Variants in PRKN observed in about 807,000 individuals in gnomAD.
The protein encoded by PRKN is parkin RBR E3 ubiquitin protein ligase.
Under a neutral mutation model 59.5 loss-of-function variants are expected in PRKN, and 56 were observed. The observed-to-expected ratio is 0.94, with a 90% CI of 0.76 to 1.18. PRKN has a LOEUF of 1.18. Ranked by LOEUF, PRKN falls within the 50% of genes most tolerant of loss-of-function variation. PRKN has a pLI of 0.00. For synonymous variants in PRKN, 250 were observed against 222.1 expected (o/e 1.13, Z -1.12); for missense variants, 657 against 596.4 (o/e 1.10, Z -1.06).
chr6:162,485,043 G>T (rs951847430), intron 1 of PRKN, among the ~76,000 whole-genome samples: 2 of 152,148 alleles, frequency 1.3e-5, no homozygotes, highest in African/African-American at 2.4e-5. Flanking sequence ...TAATGTGAAT[G>T]TAAATTCTAT....
At chr6:161,568,435 T>C (rs1780734875) in intron 8 of PRKN, among the ~76,000 whole-genome samples, 1 of 151,634 alleles carries the variant, frequency 6.6e-6, no homozygotes, top group Non-Finnish European at 1.5e-5. Flanking sequence ...CTACCAAAAA[T>C]ATAAAAAATT....
At chr6:162,395,240 G>A (rs1787416736) in intron 2 of PRKN, among the ~76,000 whole-genome samples, 1 of 152,134 alleles carries the variant, frequency 6.6e-6, no homozygotes, top group Non-Finnish European at 1.5e-5. Context: ...CAATATAACA[G>A]CAGTAACAAT....
intron 4 of PRKN, among the ~76,000 whole-genome samples, chr6:162,180,140 G>A (rs533785046): frequency 6.6e-6 from 1 of 152,184 alleles, no homozygotes; most frequent in East Asian, 1.9e-4. Flanking sequence ...GTAATTCTCT[G>A]TGAATTGGGA....
At chr6:162,699,132 T>C (rs1259020951) in intron 1 of PRKN, among the ~76,000 whole-genome samples, 4 of 152,216 alleles carry the variant, frequency 2.6e-5, no homozygotes, top group Admixed American at 2.0e-4. Context: ...GTCAATATGC[T>C]TTAGATCATT....
At chr6:162,459,815 C>G (rs931873611) in intron 1 of PRKN, among the ~76,000 whole-genome samples, 3 of 152,156 alleles carry the variant, frequency 2.0e-5, no homozygotes, top group African/African-American at 7.2e-5. Flanking sequence ...CTAGTAATCA[C>G]CAACATTACT....
rs998875882 is a variant in PRKN, at chr6:161,632,929, T to C, written c.872-63513A>G. 3.9e-5 allele frequency among the ~76,000 whole-genome samples: 6 copies of C among 152,274 alleles called. No homozygotes were observed. The South Asian group carries it at 1.0e-3, about 26-fold the overall frequency. Reference sequence around the variant, plus strand: ...TCCCTCCCATGACACATGGGGATAATGGGAAGTACAATTCAAGATGAGATT... The same window carrying C: ...TCCCTCCCATGACACATGGGGATAACGGGAAGTACAATTCAAGATGAGATT... On this transcript the variant is annotated intron_variant, in intron 7 of 11. Coordinates refer to ENST00000366898, the MANE Select transcript of PRKN (RefSeq NM_004562.3).
chr6:162,451,581 G>A (rs750549605), intron 1 of PRKN, among the ~76,000 whole-genome samples: 21 of 151,460 alleles, frequency 1.4e-4, no homozygotes, highest in Non-Finnish European at 2.5e-4. Flanking sequence ...AAGAAAAAAA[G>A]AGAGAGAGAG....
intron 9 of PRKN, among the ~76,000 whole-genome samples, chr6:161,437,761 G>A (rs2115074108): frequency 6.6e-6 from 1 of 152,282 alleles, no homozygotes; most frequent in South Asian, 2.1e-4. Flanking sequence ...TAACATTAGT[G>A]TATCTACTAA....
chr6:161,441,320 T>C (rs1040329492), intron 9 of PRKN, among the ~76,000 whole-genome samples: 6 of 152,204 alleles, frequency 3.9e-5, no homozygotes, highest in Admixed American at 3.9e-4. Context: ...ACATACTTAC[T>C]AATTTTGTTG....
chr6:161,791,658 C>A (rs1247988402), intron 6 of PRKN, among the ~76,000 whole-genome samples: 1 of 152,160 alleles, frequency 6.6e-6, no homozygotes, highest in Non-Finnish European at 1.5e-5. Context: ...GATGAGGAAG[C>A]AAATCTAAGC....
chr6:162,402,510 G>T (rs1350262582), intron 2 of PRKN, among the ~76,000 whole-genome samples: 1 of 151,812 alleles, frequency 6.6e-6, no homozygotes, highest in East Asian at 1.9e-4. Flanking sequence ...TTGTCTCGGG[G>T]TATAAGACTT....
rs1779939539 is a variant in PRKN, at chr6:161,549,932, C to T, written c.934-929G>A. On this transcript the variant is annotated intron_variant, in intron 8 of 11. Coordinates refer to ENST00000366898, the MANE Select transcript of PRKN (RefSeq NM_004562.3). The surrounding 1 kb of genome is among the most constrained non-coding windows in gnomAD (Gnocchi z 6.0). ...CGAGAGGTTAGAATGTCTAGGATTT[C>T]CAATGGTGCTAAGTGAGGAAGAAAA... is the stretch of plus-strand genomic sequence containing the variant. Among the ~76,000 whole-genome samples the T allele has an allele frequency of 6.6e-6, 1 of 152,022 alleles. No individual in the cohort carries two copies.
chr6:161,760,438 AG>A (rs1411217473), intron 7 of PRKN, among the ~76,000 whole-genome samples: 1 of 151,854 alleles, frequency 6.6e-6, no homozygotes, highest in Non-Finnish European at 1.5e-5. Flanking sequence ...TTTCAGTTCT[AG>A]TGGGACAGCC....
At chr6:162,096,320 T>G (rs927530204) in intron 4 of PRKN, among the ~76,000 whole-genome samples, 1 of 152,194 alleles carries the variant, frequency 6.6e-6, no homozygotes. Flanking sequence ...TCCAATTTTG[T>G]GTAGTTTTAA....
At chr6:162,581,762 A>AAT (rs34189016) in intron 1 of PRKN, among the ~76,000 whole-genome samples, 27,973 of 152,050 alleles carry the variant, frequency 0.18, 3,208 homozygotes, top group East Asian at 0.49. Context: ...TCTGTCTCAA[A>AAT]ATATATATAT....
At chr6:162,174,717 G>T (rs902479502) in intron 4 of PRKN, among the ~76,000 whole-genome samples, 3 of 152,070 alleles carry the variant, frequency 2.0e-5, no homozygotes, top group African/African-American at 4.8e-5. Flanking sequence ...TCATTCCCTT[G>T]TGCTTTGTTC....
intron 4 of PRKN, among the ~76,000 whole-genome samples, chr6:162,159,134 T>C (rs1782651054): frequency 6.6e-6 from 1 of 152,018 alleles, no homozygotes; most frequent in Admixed American, 6.5e-5. Flanking sequence ...TTGCTTACCT[T>C]TAGGCCTTTG....
At chr6:161,623,367 T>A (rs1463527906) in intron 7 of PRKN, among the ~76,000 whole-genome samples, 2 of 152,150 alleles carry the variant, frequency 1.3e-5, no homozygotes, top group Non-Finnish European at 2.9e-5. Context: ...GCATAAATAA[T>A]AGATACAAAA....
intron 6 of PRKN, among the ~76,000 whole-genome samples, chr6:161,853,626 A>G (rs1380245535): frequency 6.6e-6 from 1 of 152,242 alleles, no homozygotes; most frequent in Non-Finnish European, 1.5e-5. Context: ...CAAAGGTAAA[A>G]TTACTTCGAC....
Sources: allele counts gnomAD v4.1 joint callset (sites outside exome capture counted in the v4.1 genomes callset), GRCh38; gene constraint gnomAD v4.1.1; non-coding constraint Gnocchi (gnomAD v3.1); transcripts MANE v1.5; gene names NCBI Gene and HGNC (gene_info 2026-07-23, HGNC 2026-07-21).